The following FAM240A variants were observed in gnomAD, a reference collection of about 807,000 sequenced individuals.
The protein encoded by FAM240A is protein FAM240A.
Under a neutral mutation model 7.3 loss-of-function variants are expected in FAM240A, and 8 were observed. The observed-to-expected ratio is 1.09, with a 90% CI of 0.64 to 1.97. The LOEUF is 1.97. Ranked by LOEUF, FAM240A falls within the 30% of genes most tolerant of loss-of-function variation. The pLI is 0.00. For synonymous variants in FAM240A, 32 were observed against 35.9 expected, an observed-to-expected ratio of 0.89 and a Z score of 0.38; for missense variants, 90 against 102.2, an observed-to-expected ratio of 0.88 and a Z score of 0.52.
At chr3:46,623,915 TC>T (rs1453335782) in intron 2 of FAM240A, among the ~76,000 whole-genome samples, 1 of 152,170 alleles carries the variant, frequency 6.6e-6, no homozygotes, top group Non-Finnish European at 1.5e-5. Context: ...GTGCTATGTG[TC>T]CTCTATTTCT....
chr3:46,622,117 T>C (rs1445972419), intron 2 of FAM240A, among the ~76,000 whole-genome samples: 1 of 139,846 alleles, frequency 7.2e-6, no homozygotes, highest in Admixed American at 7.1e-5. Context: ...TTTTTTTTTT[T>C]TTTTTTTTTT....
chr3:46,619,991 C>G (rs1697676639), intron 2 of FAM240A, among the ~76,000 whole-genome samples: 1 of 152,114 alleles, frequency 6.6e-6, no homozygotes, highest in Non-Finnish European at 1.5e-5. Context: ...TCCAAGAAAA[C>G]CACGGAACTG....
intron 2 of FAM240A, among the ~76,000 whole-genome samples, chr3:46,621,889 C>T (rs1697698982): frequency 6.6e-6 from 1 of 151,916 alleles, no homozygotes; most frequent in Non-Finnish European, 1.5e-5. Context: ...TTTCTACCAT[C>T]TTAGTTACTT....
intron 2 of FAM240A, among the ~76,000 whole-genome samples, chr3:46,618,880 T>C (rs199665656): frequency 0.15 from 12,528 of 83,028 alleles, 1,045 homozygotes; most frequent in African/African-American, 0.32. Context: ...TATATATATA[T>C]ATACACACAC....
At chr3:46,623,907 G>A (rs1697725225) in intron 2 of FAM240A, among the ~76,000 whole-genome samples, 2 of 152,082 alleles carry the variant, frequency 1.3e-5, no homozygotes, top group African/African-American at 4.8e-5. Context: ...CTACCATCGT[G>A]CTATGTGTCC....
rs116545523 is a variant in FAM240A, at chr3:46,616,133, G to A, written c.16-1050G>A. ...GTGAGGAGGAAGGAAGGGCAGAGGCGTTTGCCAGGTGCCAGCTTGTGGAAG... is the reference window on the plus strand; with the variant it reads ...GTGAGGAGGAAGGAAGGGCAGAGGCATTTGCCAGGTGCCAGCTTGTGGAAG... On this transcript the variant is annotated intron_variant, in intron 1 of 2. Transcript: ENST00000640551. Among the ~76,000 whole-genome samples, 530 of 152,340 alleles carry A rather than the reference G, an allele frequency of 3.5e-3. 3 individuals carry two copies. The highest frequency in any genetic ancestry group is 0.012 in the African/African-American group (504 of 41,570).
chr3:46,620,852 C>T (rs760190497), intron 2 of FAM240A, among the ~76,000 whole-genome samples: 15 of 152,002 alleles, frequency 9.9e-5, no homozygotes, highest in Non-Finnish European at 2.2e-4. Context: ...ATATCAAGTA[C>T]CTCTGGTTAA....
At chr3:46,612,771 G>A (rs1697581234) in intron 1 of FAM240A, 73 bp downstream of exon 1, 1 of 1,274,196 alleles carries the variant, frequency 7.8e-7, no homozygotes, top group South Asian at 1.3e-5. Flanking sequence ...GTTTGTCCAA[G>A]TTGGTGCTGA....
At chr3:46,621,139 T>C (rs1011242976) in intron 2 of FAM240A, among the ~76,000 whole-genome samples, 11 of 152,224 alleles carry the variant, frequency 7.2e-5, no homozygotes, top group South Asian at 2.1e-4. Flanking sequence ...CTTTCCCTTC[T>C]TCCTCACCAC....
At chr3:46,618,758 T>A (rs1456499367) in intron 2 of FAM240A, among the ~76,000 whole-genome samples, 3 of 151,796 alleles carry the variant, frequency 2.0e-5, no homozygotes, top group African/African-American at 7.3e-5. Context: ...GAGAATCACT[T>A]GAACCCGGGA....
At chr3:46,624,341 G>A (rs1176258294) in intron 2 of FAM240A, among the ~76,000 whole-genome samples, 1 of 135,130 alleles carries the variant, frequency 7.4e-6, no homozygotes, top group Non-Finnish European at 1.5e-5. Context: ...GCACAATTTC[G>A]GCTCACTGCA....
In FAM240A at chr3:46,616,032, G is replaced by GATA. The variant is rs771554501; in HGVS notation, c.16-1149_16-1147dup. Among the ~76,000 whole-genome samples, 5 of 152,366 alleles carry GATA rather than the reference G, an allele frequency of 3.3e-5. No homozygotes were observed. In the East Asian group the frequency reaches 7.7e-4, roughly 23 times the overall value. ...CATGGCCATCTCATGTGGATGTTGT[G>GATA]ATAACGAAATGGACTTAGGTGCACA... On this transcript the variant is annotated intron_variant, in intron 1 of 2. Transcript: ENST00000640551.
At chr3:46,619,452 ATCT>A (rs1309057312) in intron 2 of FAM240A, among the ~76,000 whole-genome samples, 1 of 152,112 alleles carries the variant, frequency 6.6e-6, no homozygotes, top group Non-Finnish European at 1.5e-5. Context: ...TGCAGACTTG[ATCT>A]TCTTTCATTA....
intron 2 of FAM240A, among the ~76,000 whole-genome samples, chr3:46,622,101 A>ATTT (rs1697703208): frequency 1.7e-5 from 2 of 117,758 alleles, no homozygotes; most frequent in African/African-American, 6.4e-5. Flanking sequence ...TTACGAGAAA[A>ATTT]TTTTCTTTTT....
intron 2 of FAM240A, among the ~76,000 whole-genome samples, chr3:46,622,046 G>T (rs1697702772): frequency 1.4e-5 from 2 of 140,934 alleles, no homozygotes; most frequent in Admixed American, 7.1e-5. Context: ...TTTTCTTTGG[G>T]TTTATTCTTT....
rs1373505927 is a variant in FAM240A at position 46,618,880 on chromosome 3, TATACACACAC to T, written c.161+1554_161+1563del. On this transcript the variant is annotated intron_variant, in intron 2 of 2. Transcript: ENST00000640551. Reference sequence around the variant, plus strand: ...ATATATATATATGTATATATATATATATACACACACACACACACACACACACACACACACA... The same window carrying T: ...ATATATATATATGTATATATATATATACACACACACACACACACACACACA... Among the ~76,000 whole-genome samples, 120 of 83,108 alleles carry T rather than the reference TATACACACAC, an allele frequency of 1.4e-3. 1 individual carries two copies. The highest frequency in any genetic ancestry group is 4.0e-3 in the African/African-American group (101 of 25,396). 54.5% of individuals were successfully genotyped at this position (83,108 alleles called of 152,430 possible). A position where few individuals can be genotyped will look rare whatever the true frequency, so the allele number is the denominator to read the frequency against.
intron 1 of FAM240A, among the ~76,000 whole-genome samples, chr3:46,615,017 T>A (rs17222037): frequency 0.085 from 13,004 of 152,128 alleles, 560 homozygotes; most frequent in Middle Eastern, 0.13. Context: ...ACACTTTCAC[T>A]CTTAGGGTCA....
At chr3:46,612,764 T>C in intron 1 of FAM240A, 66 bp downstream of exon 1, 2 of 1,333,360 alleles carry the variant, frequency 1.5e-6, no homozygotes, top group Non-Finnish European at 1.0e-6. Flanking sequence ...GGTTATGGTT[T>C]GTCCAAGTTG....
chr3:46,623,766 A>G (rs954929979), intron 2 of FAM240A, among the ~76,000 whole-genome samples: 1 of 152,136 alleles, frequency 6.6e-6, no homozygotes, highest in Admixed American at 6.6e-5. Context: ...TTTTGTCTTC[A>G]TATTTAAAGT....
Sources: gnomAD v4.1 joint callset for allele counts (sites outside exome capture counted in the v4.1 genomes callset) on GRCh38, gnomAD v4.1.1 for gene constraint, MANE v1.5 for transcripts, NCBI Gene and HGNC (gene_info 2026-07-23, HGNC 2026-07-21) for gene names.